Variants in GALNT10 observed in about 807,000 individuals in gnomAD.
The protein encoded by GALNT10 is GalNAc transferase 10.
In GALNT10, 41 loss-of-function variants were observed where a neutral mutation model predicts 75.0. The observed-to-expected ratio is 0.55, with a 90% CI of 0.43 to 0.71. The LOEUF (loss-of-function observed/expected upper bound fraction) is 0.71, where lower values mean the gene tolerates loss of function less well. Ranked by LOEUF, GALNT10 falls within the 30% of genes least tolerant of loss-of-function variation. The pLI, the probability that GALNT10 is intolerant of heterozygous loss-of-function variation, is 0.00. For missense variants in GALNT10, 727 were observed against 818.5 expected (o/e 0.89, Z 1.36); for synonymous variants, 302 against 313.0 (o/e 0.96, Z 0.37).
At chr5:154,202,998 C>T (rs538014940) in intron 1 of GALNT10, among the ~76,000 whole-genome samples, 2 of 152,328 alleles carry the variant, frequency 1.3e-5, no homozygotes, top group South Asian at 2.1e-4. Context: ...CAATGGGGCA[C>T]GTTAAGAAGG....
chr5:154,249,527 A>G (rs1453953660), intron 1 of GALNT10, among the ~76,000 whole-genome samples: 2 of 152,028 alleles, frequency 1.3e-5, no homozygotes, highest in Non-Finnish European at 1.5e-5. Context: ...TTTTAATCCT[A>G]TGCCCACCAC....
chr5:154,271,231 C>G (rs1420798292), intron 1 of GALNT10, among the ~76,000 whole-genome samples: 1 of 152,020 alleles, frequency 6.6e-6, no homozygotes, highest in Non-Finnish European at 1.5e-5. Flanking sequence ...CTTTGGGAGG[C>G]TGAGGTGGGC....
At chr5:154,233,019 T>C (rs1249351838) in intron 1 of GALNT10, among the ~76,000 whole-genome samples, 1 of 152,224 alleles carries the variant, frequency 6.6e-6, no homozygotes, top group African/African-American at 2.4e-5. Flanking sequence ...GTCGCTGATC[T>C]TGGACAAGTT....
intron 1 of GALNT10, among the ~76,000 whole-genome samples, chr5:154,239,664 G>A (rs1000405056): frequency 2.0e-5 from 3 of 152,000 alleles, no homozygotes; most frequent in African/African-American, 4.8e-5. Flanking sequence ...GCCATTAATC[G>A]AACATCATTT....
chr5:154,268,013 C>G (rs190766364), intron 1 of GALNT10, among the ~76,000 whole-genome samples: 1 of 152,240 alleles, frequency 6.6e-6, no homozygotes, highest in Non-Finnish European at 1.5e-5. Context: ...GCAGCTTGGT[C>G]TTTTACAAGA....
intron 1 of GALNT10, among the ~76,000 whole-genome samples, chr5:154,236,300 A>G (rs762792483): frequency 2.6e-5 from 4 of 152,248 alleles, no homozygotes; most frequent in Non-Finnish European, 5.9e-5. Flanking sequence ...GAGATAATCC[A>G]TGTAAAATGC....
chr5:154,329,920 A>G (rs1754819754), intron 4 of GALNT10, 182 bp downstream of exon 4: 2 of 341,014 alleles, frequency 5.9e-6, no homozygotes, highest in Non-Finnish European at 5.4e-6. Context: ...AGTGACTGCC[A>G]TTTTTATCCC....
intron 6 of GALNT10, 57 bp downstream of exon 6, chr5:154,380,688 C>A: frequency 8.3e-7 from 1 of 1,206,490 alleles, no homozygotes; most frequent in Non-Finnish European, 1.2e-6. Context: ...ACTCCCAACA[C>A]GCACACAACT....
At chr5:154,198,535 G>A (rs896295309) in intron 1 of GALNT10, among the ~76,000 whole-genome samples, 1 of 152,230 alleles carries the variant, frequency 6.6e-6, no homozygotes, top group Non-Finnish European at 1.5e-5. Context: ...CAGAAGAACT[G>A]GAAGAAGCCA....
intron 4 of GALNT10, among the ~76,000 whole-genome samples, chr5:154,360,162 G>A (rs1755361530): frequency 6.6e-6 from 1 of 152,068 alleles, no homozygotes; most frequent in African/African-American, 2.4e-5. Flanking sequence ...TAAAAACTAT[G>A]CACTGGGCTG....
At chr5:154,258,644 C>T (rs1753651786) in intron 1 of GALNT10, among the ~76,000 whole-genome samples, 1 of 152,166 alleles carries the variant, frequency 6.6e-6, no homozygotes, top group Admixed American at 6.5e-5. Context: ...TGCTTCTTGA[C>T]ACTAGTGCAG....
At chr5:154,345,104 CTT>C (rs1755100325) in intron 4 of GALNT10, among the ~76,000 whole-genome samples, 1 of 152,164 alleles carries the variant, frequency 6.6e-6, no homozygotes, top group Non-Finnish European at 1.5e-5. Context: ...CCTTGGCTGA[CTT>C]AATATAATGA....
chr5:154,192,697 C>T (rs1426829020), intron 1 of GALNT10, among the ~76,000 whole-genome samples: 1 of 152,198 alleles, frequency 6.6e-6, no homozygotes. Context: ...TTCCTTGTAG[C>T]ATCCCTAGCT....
intron 1 of GALNT10, chr5:154,219,641 A>T (rs1314967150): frequency 6.6e-6 from 1 of 152,130 alleles, no homozygotes; most frequent in African/African-American, 2.4e-5. Flanking sequence ...CAGATTCAGC[A>T]TTTCTATGGG....
chr5:154,366,304 G>A (rs926792709), intron 4 of GALNT10, among the ~76,000 whole-genome samples: 4 of 152,150 alleles, frequency 2.6e-5, no homozygotes, highest in Admixed American at 2.0e-4. Context: ...GTGTTAGGCA[G>A]GTTATACTAC....
intron 1 of GALNT10, among the ~76,000 whole-genome samples, chr5:154,258,869 G>C (rs1027013898): frequency 6.6e-6 from 1 of 151,994 alleles, no homozygotes; most frequent in Non-Finnish European, 1.5e-5. Flanking sequence ...TGTTTCTCAT[G>C]AATGGTGATT....
intron 1 of GALNT10, among the ~76,000 whole-genome samples, chr5:154,214,439 G>A (rs1480359404): frequency 2.6e-5 from 4 of 151,988 alleles, no homozygotes; most frequent in African/African-American, 9.7e-5. Flanking sequence ...ACTCATCACC[G>A]GTGGGAATGA....
At chr5:154,382,325 G>A (rs1361113994) in intron 6 of GALNT10, among the ~76,000 whole-genome samples, 2 of 152,174 alleles carry the variant, frequency 1.3e-5, no homozygotes, top group Admixed American at 1.3e-4. Context: ...AAACATTTGT[G>A]GTCTTCTCTT....
intron 3 of GALNT10, among the ~76,000 whole-genome samples, chr5:154,310,036 G>A (rs543416074): frequency 1.3e-5 from 2 of 152,334 alleles, no homozygotes; most frequent in African/African-American, 2.4e-5. Flanking sequence ...CAGCGTTCAG[G>A]TTATGGCGAG....
Sources: gnomAD v4.1 joint callset for allele counts (sites outside exome capture counted in the v4.1 genomes callset) on GRCh38, gnomAD v4.1.1 for gene constraint, MANE v1.5 for transcripts, NCBI Gene and HGNC (gene_info 2026-07-23, HGNC 2026-07-21) for gene names.